Variants in BMP2K observed in about 807,000 individuals in gnomAD.
BMP2K encodes BMP2 inducible kinase, also known as BMP-2-inducible protein kinase.
Under a neutral mutation model 116.0 loss-of-function variants are expected in BMP2K, and 74 were observed. The ratio of observed to expected loss-of-function variants is 0.64; its 90% CI spans 0.53 to 0.77. BMP2K has a LOEUF of 0.77. Ranked by LOEUF, BMP2K falls within the 30% of genes least tolerant of loss-of-function variation. The probability of loss-of-function intolerance (pLI) is 0.00; values close to 1 mark genes in which losing one functional copy is unlikely to be tolerated. For missense variants in BMP2K, 1,365 were observed against 1,403.6 expected (o/e 0.97, Z 0.44); for synonymous variants, 486 against 502.5 (o/e 0.97, Z 0.44).
chr4:78,894,173 T>G (rs537471471), intron 15 of BMP2K, among the ~76,000 whole-genome samples: 2 of 152,318 alleles, frequency 1.3e-5, no homozygotes, highest in African/African-American at 4.8e-5. Flanking sequence ...CCTCGAAGTT[T>G]TGGAATGGCA....
chr4:78,872,085 ATAT>A, intron 12 of BMP2K, 137 bp downstream of exon 12: 1 of 665,630 alleles, frequency 1.5e-6, no homozygotes, highest in Non-Finnish European at 2.5e-6. Flanking sequence ...AAAGCCAGTC[ATAT>A]ATTCTCAAGC....
chr4:78,874,044 G>A (rs1429919843), intron 13 of BMP2K, among the ~76,000 whole-genome samples: 1 of 152,010 alleles, frequency 6.6e-6, no homozygotes, highest in Admixed American at 6.6e-5. Context: ...TAGGTGTGGT[G>A]GTGCGCGCCT....
chr4:78,877,735 C>G (rs563460214), intron 13 of BMP2K, among the ~76,000 whole-genome samples: 14 of 152,194 alleles, frequency 9.2e-5, no homozygotes, highest in Non-Finnish European at 1.9e-4. Flanking sequence ...GCACTGTACA[C>G]AATTGTATTG....
intron 9 of BMP2K, 35 bp downstream of exon 9, chr4:78,861,503 A>T (rs1450052190): frequency 3.4e-6 from 5 of 1,477,060 alleles, no homozygotes; most frequent in African/African-American, 2.8e-5. Context: ...AAAAGGCATT[A>T]AAAAAAATGA....
chr4:78,809,901 A>G (rs535437644), intron 1 of BMP2K, among the ~76,000 whole-genome samples: 33 of 152,236 alleles, frequency 2.2e-4, no homozygotes, highest in Non-Finnish European at 3.8e-4. Flanking sequence ...TATATGGACT[A>G]TACTTTTCTG....
At chr4:78,816,425 A>T (rs115856969) in intron 1 of BMP2K, among the ~76,000 whole-genome samples, 1 of 152,226 alleles carries the variant, frequency 6.6e-6, no homozygotes. Flanking sequence ...ATCAATTTTT[A>T]AATATTCTAC....
At position 78,842,466 on chromosome 4, in the gene BMP2K, C is replaced by A; in HGVS notation, c.485C>A (p.Thr162Asn). 6.2e-7 allele frequency: 1 copy of A among 1,608,300 alleles called. No homozygotes were observed. The highest frequency in any genetic ancestry group is 2.2e-5 in the East Asian group (1 of 44,812). ...EPEVLQIFCD[T>N]CEAVARLHQC... ...GAAGTGTTACAGATATTCTGTGATA[C>A]CTGTGAAGCTGTTGCAAGGTTGCAT... is the stretch of plus-strand genomic sequence containing the variant. Residue 162 changes from threonine (T) to asparagine (N), a missense_variant, in exon 4 of 16, where the codon ACC (threonine) becomes AAC (asparagine). This residue lies in a region of BMP2K where 762 missense variants were observed against 756.7 expected (regional missense o/e 1.01). Transcript: ENST00000502613.
At chr4:78,793,493 A>T (rs1425321025) in intron 1 of BMP2K, among the ~76,000 whole-genome samples, 1 of 152,040 alleles carries the variant, frequency 6.6e-6, no homozygotes, top group East Asian at 1.9e-4. Context: ...AAATTTTCAG[A>T]TTTAATTTCT....
intron 2 of BMP2K, among the ~76,000 whole-genome samples, chr4:78,830,938 T>C (rs773753463): frequency 1.3e-5 from 2 of 152,252 alleles, no homozygotes; most frequent in African/African-American, 2.4e-5. Flanking sequence ...AGTAGCACTT[T>C]TAACTTCCTT....
chr4:78,911,250 G>T lies in BMP2K; in HGVS notation c.2703G>T (p.Ala901=), dbSNP rs762795615. ...AGGAATTTGATGTATTCACAAAGGCGCCTTTTAGCAAGAAGGTGAATGTAC... is the reference window on the plus strand; with the variant it reads ...AGGAATTTGATGTATTCACAAAGGCTCCTTTTAGCAAGAAGGTGAATGTAC... The part of the protein sequence containing the change: ...EQEEFDVFTK[A]PFSKKVNVQE... Residue 901 remains alanine (A), a synonymous_variant, in exon 16 of 16, where the codon GCG becomes GCT. Transcript: ENST00000502613. 1.2e-6 allele frequency: 2 copies of T among 1,613,852 alleles called. No homozygotes were observed. The highest frequency in any genetic ancestry group is 1.7e-6 in the Non-Finnish European group (2 of 1,179,900).
chr4:78,822,426 A>G (rs1729665790), intron 1 of BMP2K, among the ~76,000 whole-genome samples: 1 of 152,130 alleles, frequency 6.6e-6, no homozygotes, highest in Non-Finnish European at 1.5e-5. Flanking sequence ...TAGTTATACA[A>G]TTTATGTAGT....
At chr4:78,864,966 G>A (rs1731971036) in intron 9 of BMP2K, among the ~76,000 whole-genome samples, 1 of 152,034 alleles carries the variant, frequency 6.6e-6, no homozygotes, top group Non-Finnish European at 1.5e-5. Flanking sequence ...ACTCACATCT[G>A]GGGCCTAAAC....
chr4:78,810,308 G>C (rs984814061), intron 1 of BMP2K, among the ~76,000 whole-genome samples: 1 of 152,020 alleles, frequency 6.6e-6, no homozygotes, highest in African/African-American at 2.4e-5. Context: ...TCTTTCCTGG[G>C]CGTGCACACT....
intron 1 of BMP2K, among the ~76,000 whole-genome samples, chr4:78,811,045 C>T (rs1165899999): frequency 3.3e-5 from 5 of 152,142 alleles, no homozygotes; most frequent in African/African-American, 1.2e-4. Flanking sequence ...TGATTCAGCT[C>T]ACATATTAAT....
intron 15 of BMP2K, among the ~76,000 whole-genome samples, chr4:78,899,708 G>A (rs190841588): frequency 2.0e-5 from 3 of 152,044 alleles, no homozygotes; most frequent in East Asian, 3.9e-4. Flanking sequence ...TGTCCACAGG[G>A]TTACAGGGTT....
intron 15 of BMP2K, among the ~76,000 whole-genome samples, chr4:78,902,665 C>T (rs186011224): frequency 1.9e-4 from 29 of 152,136 alleles, no homozygotes; most frequent in African/African-American, 6.3e-4. Context: ...AACATCAAAA[C>T]AAAATTTCCC....
At chr4:78,835,482 A>T (rs1334626773) in intron 3 of BMP2K, among the ~76,000 whole-genome samples, 1 of 151,936 alleles carries the variant, frequency 6.6e-6, no homozygotes, top group Non-Finnish European at 1.5e-5. Flanking sequence ...AAAAAAAGTT[A>T]GCCGAGCGTT....
intron 15 of BMP2K, among the ~76,000 whole-genome samples, chr4:78,890,413 C>A (rs1733371227): frequency 6.6e-6 from 1 of 151,976 alleles, no homozygotes; most frequent in African/African-American, 2.4e-5. Flanking sequence ...CGCACACACA[C>A]ACACACACAC....
intron 15 of BMP2K, among the ~76,000 whole-genome samples, chr4:78,908,709 T>G (rs777255097): frequency 6.6e-6 from 1 of 152,220 alleles, no homozygotes; most frequent in African/African-American, 2.4e-5. Flanking sequence ...ACAAAATTTT[T>G]AGTACTCCTC....
Sources: allele counts gnomAD v4.1 joint callset (sites outside exome capture counted in the v4.1 genomes callset), GRCh38; gene constraint gnomAD v4.1.1; regional missense constraint gnomAD v4.1.1; transcripts MANE v1.5; gene names NCBI Gene and HGNC (gene_info 2026-07-23, HGNC 2026-07-21).